The following CTNS variants were observed in gnomAD, a reference collection of about 807,000 sequenced individuals.
CTNS encodes the protein cystinosin.
Under a neutral mutation model 43.7 loss-of-function variants are expected in CTNS, and 27 were observed. That is an observed-to-expected ratio of 0.62 (90% CI 0.46 to 0.85). The LOEUF is 0.85. Among genes scored for constraint, CTNS ranks in the 40% least tolerant of loss-of-function variants. The pLI, the probability that CTNS is intolerant of heterozygous loss-of-function variation, is 0.00. For synonymous variants in CTNS, 187 were observed against 190.6 expected (o/e 0.98, Z 0.16); for missense variants, 457 against 475.4 (o/e 0.96, Z 0.36).
At chr17:3,643,480 A>G (rs1209944690) in intron 3 of CTNS, among the ~76,000 whole-genome samples, 4 of 151,690 alleles carry the variant, frequency 2.6e-5, no homozygotes, top group Non-Finnish European at 4.4e-5. Context: ...TGTAATCCCA[A>G]CACTTTGGGA....
Position 3,661,418 on chromosome 17 carries a change from G to GT in CTNS, c.*1049_*1050insT, listed in dbSNP as rs764368153. 9.9e-6 allele frequency: 1 copy of GT among 101,462 alleles called. No individual in the cohort carries two copies. The highest frequency in any genetic ancestry group is 2.3e-5 in the Non-Finnish European group (1 of 43,180). The allele number at this position is 101,462 out of a possible 1,614,324, so 6.3% of individuals were successfully genotyped here. On this transcript the variant is annotated 3_prime_UTR_variant, in exon 12 of 12. Transcript: ENST00000046640. The stretch of plus-strand genomic sequence containing the variant: ...CAAAGCTGTCCTTCCTATGGCAGGA[G>GT]GGGTGGGGGTCCCAGGACGTGCCTC...
rs2142984152 is a variant in CTNS, at chr17:3,660,736, C to T, written c.*367C>T. 3 of 1,613,434 alleles carry T rather than the reference C, an allele frequency of 1.9e-6. No homozygotes were observed. The highest frequency in any genetic ancestry group is 2.2e-5 in the South Asian group (2 of 91,086). ...TCTGCAAGCAGCTTGAAGGGCTGAC[C>T]TTGCAGCCGGGTGAGCCAAGGGCAC... is the stretch of plus-strand genomic sequence containing the variant. On this transcript the variant is annotated 3_prime_UTR_variant, in exon 12 of 12. Coordinates refer to ENST00000046640, the MANE Select transcript of CTNS (RefSeq NM_004937.3).
chr17:3,643,929 G>A (rs746582951), intron 3 of CTNS, among the ~76,000 whole-genome samples: 1 of 152,176 alleles, frequency 6.6e-6, no homozygotes, highest in African/African-American at 2.4e-5. Context: ...CTACTGAGGT[G>A]AGAGGCGGCA....
At chr17:3,638,239 T>G (rs1396532236) in intron 2 of CTNS, among the ~76,000 whole-genome samples, 13 of 50,970 alleles carry the variant, frequency 2.6e-4, no homozygotes, top group Non-Finnish European at 1.7e-4. Context: ...TTTTTTTTGT[T>G]TTTTTTTTTT....
intron 5 of CTNS, among the ~76,000 whole-genome samples, chr17:3,651,748 G>A (rs894359362): frequency 5.3e-5 from 8 of 151,560 alleles, no homozygotes; most frequent in East Asian, 2.0e-4. Flanking sequence ...CGAGGTGGGC[G>A]GATCACCTGA....
intron 3 of CTNS, among the ~76,000 whole-genome samples, chr17:3,641,264 C>T (rs1238363061): frequency 1.3e-5 from 2 of 149,460 alleles, no homozygotes; most frequent in Non-Finnish European, 3.0e-5. Flanking sequence ...CTCTGGAATT[C>T]CTTCCATAAA....
At chr17:3,650,679 A>G (rs1379568239) in intron 5 of CTNS, among the ~76,000 whole-genome samples, 2 of 152,170 alleles carry the variant, frequency 1.3e-5, no homozygotes, top group Admixed American at 6.6e-5. Flanking sequence ...TTCCCACAGC[A>G]CAGCCCTCTG....
intron 5 of CTNS, among the ~76,000 whole-genome samples, chr17:3,653,248 CGA>C (rs2076032816): frequency 6.6e-6 from 1 of 151,752 alleles, no homozygotes; most frequent in Admixed American, 6.6e-5. Context: ...CCCATCTCTA[CGA>C]AAAATACAAA....
Position 3,647,455 on chromosome 17 carries a change from A to G in CTNS, c.73A>G (p.Ser25Gly), listed in dbSNP as rs777367316. Residue 25 changes from serine (S) to glycine (G), a missense_variant, in exon 4 of 12, where the codon AGC (serine) becomes GGC (glycine). Transcript: ENST00000046640. ...TTGGGTCCTTCCAGAGTCAAGCGTC[A>G]GCCTCACTGTTCCTCCTGTCGTAAA... ...KLVEKCESSV[S>G]LTVPPVVKLE... 1.2e-6 allele frequency: 2 copies of G among 1,614,084 alleles called. No individual in the cohort carries two copies. The highest frequency in any genetic ancestry group is 3.3e-5 in the Admixed American group (2 of 60,012).
intron 10 of CTNS, among the ~76,000 whole-genome samples, chr17:3,659,336 G>T (rs1160782898): frequency 2.0e-5 from 3 of 152,174 alleles, no homozygotes; most frequent in Admixed American, 2.0e-4. Flanking sequence ...CCAGGCCTGT[G>T]GGGGGCGTTA....
In CTNS at chr17:3,647,499, G is replaced by C. The variant is rs765428193; in HGVS notation, c.117G>C (p.Ser39=). 1.7e-5 allele frequency: 27 copies of C among 1,613,974 alleles called. No individual in the cohort carries two copies. The highest frequency in any genetic ancestry group is 2.2e-5 in the Non-Finnish European group (26 of 1,180,006). ...TCGTAAAGCTGGAGAACGGCAGCTC[G>C]ACCAACGTCAGCCTCACCCTGCGGT... ...PPVVKLENGS[S]TNVSLTLRPP... Residue 39 remains serine (S), a synonymous_variant, in exon 4 of 12, where the codon TCG becomes TCC. Coordinates refer to ENST00000046640, the MANE Select transcript of CTNS (RefSeq NM_004937.3).
intron 3 of CTNS, among the ~76,000 whole-genome samples, chr17:3,643,805 G>T (rs929373886): frequency 6.6e-6 from 1 of 152,274 alleles, no homozygotes; most frequent in Admixed American, 6.5e-5. Flanking sequence ...GACCTCAAGT[G>T]ATCTGACCGC....
chr17:3,660,773 C>T lies in CTNS; in HGVS notation c.*404C>T, dbSNP rs575393686. ...TGAGCCAAGGGCACTTTGCTGCCAC[C>T]GCTGCATTCCCAGAGATCAAGCAGC... On this transcript the variant is annotated 3_prime_UTR_variant, in exon 12 of 12. Transcript: ENST00000046640. The T allele has an allele frequency of 2.2e-5, 36 of 1,612,628 alleles. No homozygotes were observed. The Admixed American group carries it at 3.3e-4, about 15-fold the overall frequency.
At chr17:3,642,062 G>GTGTGTGT (rs1338671316) in intron 3 of CTNS, among the ~76,000 whole-genome samples, 3 of 37,454 alleles carry the variant, frequency 8.0e-5, no homozygotes, top group African/African-American at 3.2e-4. Flanking sequence ...TGTGTACCCG[G>GTGTGTGT]GCGTGTGTGT....
At chr17:3,650,921 G>A (rs913124469) in intron 5 of CTNS, among the ~76,000 whole-genome samples, 14 of 152,032 alleles carry the variant, frequency 9.2e-5, no homozygotes, top group Non-Finnish European at 1.9e-4. Flanking sequence ...TCCTGCCTCA[G>A]CCTCCCAAGT....
At chr17:3,647,355 G>T in intron 3 of CTNS, 89 bp from the exon 4 acceptor site, 1 of 1,083,672 alleles carries the variant, frequency 9.2e-7, no homozygotes. Context: ...GAGCTCAGGA[G>T]TTCAGATGTC....
At chr17:3,653,809 G>T (rs748861394) in intron 5 of CTNS, among the ~76,000 whole-genome samples, 14 of 152,122 alleles carry the variant, frequency 9.2e-5, no homozygotes, top group South Asian at 2.1e-4. Context: ...CCAGGAGGAG[G>T]AGTTTGCAGT....
intron 2 of CTNS, among the ~76,000 whole-genome samples, chr17:3,638,822 C>A (rs1235434234): frequency 6.6e-6 from 1 of 152,160 alleles, no homozygotes; most frequent in Non-Finnish European, 1.5e-5. Flanking sequence ...ATTCCATACA[C>A]GCAGGAGGGC....
intron 7 of CTNS, 48 bp downstream of exon 7, chr17:3,655,400 C>T (rs375940531): frequency 1.9e-6 from 3 of 1,611,506 alleles, no homozygotes; most frequent in Admixed American, 1.7e-5. Context: ...CCCCTAGGAG[C>T]AGGGCGTTCC....
Sources: gnomAD v4.1 joint callset for allele counts (sites outside exome capture counted in the v4.1 genomes callset) on GRCh38, gnomAD v4.1.1 for gene constraint, MANE v1.5 for transcripts, NCBI Gene and HGNC (gene_info 2026-07-23, HGNC 2026-07-21) for gene names.